Variants in ZFAND3 observed in about 807,000 individuals in gnomAD.
The protein encoded by ZFAND3 is zinc finger AN1-type containing 3, also known as AN1-type zinc finger protein 3.
Under a neutral mutation model 29.6 loss-of-function variants are expected in ZFAND3, and 10 were observed. The ratio of observed to expected loss-of-function variants is 0.34; its 90% CI spans 0.21 to 0.57. The LOEUF is 0.57. ZFAND3 is among the 20% of genes least tolerant of loss of function. The pLI is 0.86. For synonymous variants in ZFAND3, 128 were observed against 112.6 expected (o/e 1.14, Z -0.87); for missense variants, 230 against 304.5 (o/e 0.76, Z 1.82).
chr6:37,914,196 A>G (rs1761188691), intron 1 of ZFAND3, among the ~76,000 whole-genome samples: 1 of 152,202 alleles, frequency 6.6e-6, no homozygotes, highest in Admixed American at 6.5e-5. Context: ...GTCAGTGAGC[A>G]GCAGTATTTT....
chr6:38,127,257 C>T (rs1765652684), intron 5 of ZFAND3, among the ~76,000 whole-genome samples: 1 of 152,174 alleles, frequency 6.6e-6, no homozygotes, highest in Non-Finnish European at 1.5e-5. Flanking sequence ...TTGATTAATA[C>T]ATTCTAGGAA....
At chr6:38,082,069 T>G (rs1001558621) in intron 3 of ZFAND3, among the ~76,000 whole-genome samples, 1 of 152,066 alleles carries the variant, frequency 6.6e-6, no homozygotes, top group African/African-American at 2.4e-5. Flanking sequence ...TGTGGGTAAT[T>G]TCCTCTCACC....
intron 2 of ZFAND3, among the ~76,000 whole-genome samples, chr6:38,041,627 ACTTTTTCTTCTT>A (rs1474513229): frequency 2.9e-4 from 19 of 66,402 alleles, no homozygotes; most frequent in African/African-American, 6.8e-4. Context: ...TTTTTTATCT[ACTTTTTCTTCTT>A]CTTCTTCTTC....
At chr6:37,988,809 G>A (rs1237370616) in intron 2 of ZFAND3, among the ~76,000 whole-genome samples, 1 of 152,044 alleles carries the variant, frequency 6.6e-6, no homozygotes, top group African/African-American at 2.4e-5. Context: ...GGACTCTTTT[G>A]GTCTCCAGAA....
At chr6:37,970,299 C>T (rs1330930147) in intron 2 of ZFAND3, among the ~76,000 whole-genome samples, 4 of 152,014 alleles carry the variant, frequency 2.6e-5, no homozygotes, top group African/African-American at 9.7e-5. Flanking sequence ...GTTGGTAAGT[C>T]CGTAAATGGT....
Position 37,819,905 on chromosome 6 carries a change from G to C in ZFAND3, c.-41G>C. 8.6e-7 allele frequency: 1 copy of C among 1,157,178 alleles called. No homozygotes were observed. Among genetic ancestry groups the C allele is most frequent in the Non-Finnish European group, 1.1e-6 (1 of 934,116 alleles). 71.7% of individuals were successfully genotyped at this position (1,157,178 alleles called of 1,614,324 possible). ...AGAGCGGGGCCCGGGCCCAGCCGCCGCCACCGCTGCCGCCGCCGAGCTCCG... is the reference window on the plus strand; with the variant it reads ...AGAGCGGGGCCCGGGCCCAGCCGCCCCCACCGCTGCCGCCGCCGAGCTCCG... On this transcript the variant is annotated 5_prime_UTR_variant, in exon 1 of 6. Coordinates refer to ENST00000287218, the MANE Select transcript of ZFAND3 (RefSeq NM_021943.3).
At chr6:37,948,110 A>G (rs1309268924) in intron 2 of ZFAND3, among the ~76,000 whole-genome samples, 5 of 152,182 alleles carry the variant, frequency 3.3e-5, no homozygotes, top group Admixed American at 6.5e-5. Flanking sequence ...AGTGTCAGTT[A>G]GGTCAGGTTG....
intron 5 of ZFAND3, among the ~76,000 whole-genome samples, chr6:38,145,349 ATGT>A (rs1322043835): frequency 6.6e-6 from 1 of 152,178 alleles, no homozygotes; most frequent in Non-Finnish European, 1.5e-5. Context: ...GCAGTGATTG[ATGT>A]TGATTTTTGT....
intron 5 of ZFAND3, among the ~76,000 whole-genome samples, chr6:38,118,543 G>A (rs1053616908): frequency 6.6e-6 from 1 of 150,710 alleles, no homozygotes; most frequent in Non-Finnish European, 1.5e-5. Context: ...TGAATCCTGG[G>A]TATTACACAG....
At chr6:37,853,922 A>C (rs202209744) in intron 1 of ZFAND3, among the ~76,000 whole-genome samples, 2 of 152,178 alleles carry the variant, frequency 1.3e-5, no homozygotes, top group East Asian at 3.8e-4. Flanking sequence ...ACTGAAACAC[A>C]TAAAAATAGG....
At chr6:38,071,782 G>A (rs1381603002) in intron 3 of ZFAND3, among the ~76,000 whole-genome samples, 6 of 152,100 alleles carry the variant, frequency 3.9e-5, no homozygotes, top group Non-Finnish European at 8.8e-5. Context: ...ATTAGCAGAG[G>A]CTTTATTTTA....
intron 1 of ZFAND3, among the ~76,000 whole-genome samples, chr6:37,918,000 G>A (rs1277544365): frequency 1.3e-5 from 2 of 152,132 alleles, no homozygotes; most frequent in African/African-American, 4.8e-5. Flanking sequence ...TTTTGTAGAT[G>A]TTCTGTCGGT....
intron 1 of ZFAND3, among the ~76,000 whole-genome samples, chr6:37,912,030 C>CTGTGTGTGTGTGTGTGTGTGTG (rs59017250): frequency 7.2e-6 from 1 of 139,706 alleles, no homozygotes; most frequent in Non-Finnish European, 1.5e-5. Context: ...AGTCTTTTAT[C>CTGTGTGTGTGTGTGTGTGTGTG]TGTGTGTGTG....
chr6:37,991,822 G>T (rs1363502926), intron 2 of ZFAND3, among the ~76,000 whole-genome samples: 2 of 152,194 alleles, frequency 1.3e-5, no homozygotes, highest in East Asian at 3.9e-4. Context: ...TTCAGTGATT[G>T]TTTTTTAATC....
intron 4 of ZFAND3, among the ~76,000 whole-genome samples, chr6:38,109,429 G>A (rs567924037): frequency 4.6e-5 from 7 of 152,116 alleles, no homozygotes; most frequent in South Asian, 2.1e-4. Flanking sequence ...TGATCTGCCC[G>A]CCTCAGCGTC....
At chr6:38,094,848 G>C (rs1010805619) in intron 4 of ZFAND3, among the ~76,000 whole-genome samples, 2 of 152,114 alleles carry the variant, frequency 1.3e-5, no homozygotes, top group African/African-American at 4.8e-5. Flanking sequence ...TCAGGTTTCA[G>C]ATTTTTTAAT....
At chr6:38,107,797 C>T (rs1185141262) in intron 4 of ZFAND3, among the ~76,000 whole-genome samples, 1 of 152,302 alleles carries the variant, frequency 6.6e-6, no homozygotes, top group East Asian at 1.9e-4. Context: ...TGTGCCACTG[C>T]ACTCTAGCCT....
chr6:37,828,255 TA>T (rs989146445), intron 1 of ZFAND3, among the ~76,000 whole-genome samples: 2 of 151,912 alleles, frequency 1.3e-5, no homozygotes, highest in African/African-American at 2.4e-5. Flanking sequence ...TACAAGAAAG[TA>T]AAAAAAAATT....
intron 2 of ZFAND3, among the ~76,000 whole-genome samples, chr6:37,957,473 CACTT>C (rs1762104950): frequency 6.6e-6 from 1 of 151,810 alleles, no homozygotes; most frequent in Non-Finnish European, 1.5e-5. Flanking sequence ...ATTAGTGAGG[CACTT>C]ACTAAACTTT....
Sources: gnomAD v4.1 joint callset for allele counts (sites outside exome capture counted in the v4.1 genomes callset) on GRCh38, gnomAD v4.1.1 for gene constraint, MANE v1.5 for transcripts, NCBI Gene and HGNC (gene_info 2026-07-23, HGNC 2026-07-21) for gene names.